The following SMYD3 variants were observed in gnomAD, a reference collection of about 807,000 sequenced individuals.
The protein encoded by SMYD3 is SET and MYND domain containing 3.
Under a neutral mutation model 57.7 loss-of-function variants are expected in SMYD3, and 36 were observed. The observed-to-expected ratio is 0.62, with a 90% CI of 0.48 to 0.82. The LOEUF is 0.82. Ranked by LOEUF, SMYD3 falls within the 40% of genes least tolerant of loss-of-function variation. SMYD3 has a pLI of 0.00. For synonymous variants in SMYD3, 211 were observed against 195.0 expected, an observed-to-expected ratio of 1.08 and a Z score of -0.68; for missense variants, 515 against 538.8, an observed-to-expected ratio of 0.96 and a Z score of 0.44.
chr1:245,820,402 A>C (rs1309590485), intron 10 of SMYD3, among the ~76,000 whole-genome samples: 1 of 144,502 alleles, frequency 6.9e-6, no homozygotes, highest in Non-Finnish European at 1.5e-5. Context: ...ATTTCAAAAT[A>C]ATAAGAGCTA....
At chr1:246,304,986 C>G (rs1572358613) in intron 5 of SMYD3, among the ~76,000 whole-genome samples, 1 of 152,142 alleles carries the variant, frequency 6.6e-6, no homozygotes, top group Non-Finnish European at 1.5e-5. Flanking sequence ...TAACATATAC[C>G]TGCTTGGTCT....
At chr1:246,465,471 G>C (rs944528961) in intron 1 of SMYD3, among the ~76,000 whole-genome samples, 2 of 152,164 alleles carry the variant, frequency 1.3e-5, no homozygotes, top group Non-Finnish European at 2.9e-5. Flanking sequence ...CGATGATGCA[G>C]GGAATCAGTG....
rs1011967394 is a variant in SMYD3 at position 245,814,519 on chromosome 1, G to C, written c.1076+43977C>G. 2.4e-5 allele frequency: 13 copies of C among 537,614 alleles called. No individual in the cohort carries two copies. In the African/African-American group the frequency reaches 2.5e-4, roughly 10 times the overall value. 33.3% of individuals were successfully genotyped at this position (537,614 alleles called of 1,614,324 possible). ...CACCACATACTTGTTTTAAAGTCTT[G>C]CCCTTCTAGTACTGACTACACGCGG... On this transcript the variant is annotated intron_variant, in intron 10 of 11. Transcript: ENST00000490107.
Position 246,406,021 on chromosome 1 carries a change from C to T in SMYD3, c.165-50927G>A, listed in dbSNP as rs2066860896. Among the ~76,000 whole-genome samples, 4 of 152,060 alleles carry T rather than the reference C, an allele frequency of 2.6e-5. No individual in the cohort carries two copies. In the South Asian group the frequency reaches 8.3e-4, roughly 32 times the overall value. On this transcript the variant is annotated intron_variant, in intron 1 of 11. Transcript: ENST00000490107. The stretch of plus-strand genomic sequence containing the variant: ...TTAATTATTCAAACTCTCTCATTCT[C>T]CTGTAGGTTAAATCGCTGCAACAGT...
intron 10 of SMYD3, among the ~76,000 whole-genome samples, chr1:245,855,939 C>T (rs2051216980): frequency 1.3e-5 from 2 of 152,174 alleles, no homozygotes; most frequent in South Asian, 4.1e-4. Flanking sequence ...GCAATCATCC[C>T]TTGGTAACTC....
At chr1:245,967,797 C>T (rs190097322) in intron 5 of SMYD3, among the ~76,000 whole-genome samples, 13 of 152,218 alleles carry the variant, frequency 8.5e-5, no homozygotes, top group African/African-American at 2.4e-4. Flanking sequence ...ATTCCATTTG[C>T]GACTAATTTA....
intron 5 of SMYD3, among the ~76,000 whole-genome samples, chr1:246,212,035 T>C (rs1275263246): frequency 6.6e-6 from 1 of 151,938 alleles, no homozygotes; most frequent in Non-Finnish European, 1.5e-5. Flanking sequence ...ACAGACAAAA[T>C]GAGTAAATCG....
chr1:246,217,242 C>T (rs142167716), intron 5 of SMYD3, among the ~76,000 whole-genome samples: 1 of 152,234 alleles, frequency 6.6e-6, no homozygotes, highest in African/African-American at 2.4e-5. Flanking sequence ...CAAATTCACT[C>T]AGGGTGAATA....
At chr1:245,786,213 C>CGGGGG (rs142982945) in intron 10 of SMYD3, among the ~76,000 whole-genome samples, 15 of 104,058 alleles carry the variant, frequency 1.4e-4, no homozygotes, top group East Asian at 1.2e-3. Flanking sequence ...GGGGTGTGGA[C>CGGGGG]GGGGGGGGGA....
chr1:246,345,134 T>C (rs12077903), intron 2 of SMYD3, among the ~76,000 whole-genome samples: 28,030 of 152,122 alleles, frequency 0.18, 2,858 homozygotes, highest in East Asian at 0.43. Context: ...GTGTTCTACA[T>C]AGGAAATTTT....
Position 246,463,661 on chromosome 1 carries a change from C to CAAAAAAAAAAAA in SMYD3, c.164+43381_164+43392dup, listed in dbSNP as rs35482116. On this transcript the variant is annotated intron_variant, in intron 1 of 11. Coordinates refer to ENST00000490107, the MANE Select transcript of SMYD3 (RefSeq NM_001167740.2). ...TGAAACCCCATCTCTACTAAAAATA[C>CAAAAAAAAAAAA]AAAAAAAAAAAAAAAAAAAAAAACA... Among the ~76,000 whole-genome samples the CAAAAAAAAAAAA allele has an allele frequency of 2.1e-3, 157 of 73,086 alleles. 2 individuals carry two copies. Among genetic ancestry groups the CAAAAAAAAAAAA allele is most frequent in the Non-Finnish European group, 2.7e-3 (115 of 42,114 alleles). 47.9% of individuals were successfully genotyped at this position (73,086 alleles called of 152,430 possible).
In SMYD3 at chr1:245,810,817, G is replaced by A. The variant is rs551999410; in HGVS notation, c.1077-46668C>T. On this transcript the variant is annotated intron_variant, in intron 10 of 11. Transcript: ENST00000490107. ...CAACAGCAAATTGAAATATGGGCACGATGCTGAAAAGAGATGAGGCTGCCA... is the reference window on the plus strand; with the variant it reads ...CAACAGCAAATTGAAATATGGGCACAATGCTGAAAAGAGATGAGGCTGCCA... 7.4e-4 allele frequency among the ~76,000 whole-genome samples: 113 copies of A among 152,276 alleles called. 1 individual carries two copies. The highest frequency in any genetic ancestry group is 6.8e-3 in the South Asian group (33 of 4,826).
intron 1 of SMYD3, among the ~76,000 whole-genome samples, chr1:246,475,588 T>C (rs1337617024): frequency 6.6e-6 from 1 of 151,344 alleles, no homozygotes; most frequent in Admixed American, 6.6e-5. Context: ...AGAGGTTGCA[T>C]TGAGTCGAGA....
chr1:246,013,022 A>G (rs1453102868), intron 5 of SMYD3, among the ~76,000 whole-genome samples: 3 of 151,248 alleles, frequency 2.0e-5, no homozygotes, highest in Non-Finnish European at 3.0e-5. Context: ...CATTCCCACA[A>G]GGAAAACACA....
At chr1:246,329,571 A>G (rs909946138) in intron 4 of SMYD3, among the ~76,000 whole-genome samples, 12 of 151,860 alleles carry the variant, frequency 7.9e-5, no homozygotes, top group Non-Finnish European at 1.6e-4. Flanking sequence ...GTTTGAGTTC[A>G]TTGTAGATTC....
intron 1 of SMYD3, among the ~76,000 whole-genome samples, chr1:246,360,571 G>A (rs1168282450): frequency 3.9e-5 from 6 of 152,152 alleles, no homozygotes; most frequent in Non-Finnish European, 8.8e-5. Flanking sequence ...CAAGGCCACA[G>A]TCACCAAAAC....
At chr1:245,905,351 C>A (rs939003974) in intron 8 of SMYD3, among the ~76,000 whole-genome samples, 6 of 152,156 alleles carry the variant, frequency 3.9e-5, no homozygotes. Flanking sequence ...GCAGTCCTCT[C>A]CCCTGACTAG....
chr1:246,373,251 AAACATT>A (rs2148733816), intron 1 of SMYD3, among the ~76,000 whole-genome samples: 1 of 152,304 alleles, frequency 6.6e-6, no homozygotes, highest in Admixed American at 6.5e-5. Context: ...AAATAAACAT[AAACATT>A]AATGAAAAGG....
At chr1:245,753,256 A>T (rs1185951530) in intron 11 of SMYD3, among the ~76,000 whole-genome samples, 2 of 152,148 alleles carry the variant, frequency 1.3e-5, no homozygotes, top group Non-Finnish European at 2.9e-5. Flanking sequence ...CAACTGAAAA[A>T]AAAAAAAAAG....
Sources: gnomAD v4.1 joint callset for allele counts (sites outside exome capture counted in the v4.1 genomes callset) on GRCh38, gnomAD v4.1.1 for gene constraint, MANE v1.5 for transcripts, NCBI Gene and HGNC (gene_info 2026-07-23, HGNC 2026-07-21) for gene names.